The following TENM4 variants were observed in gnomAD, a reference collection of about 807,000 sequenced individuals.
The protein encoded by TENM4 is teneurin-4.
A neutral mutation model predicts 243.3 loss-of-function variants in TENM4; 82 were observed. That is an observed-to-expected ratio of 0.34 (90% CI 0.28 to 0.40). The LOEUF (loss-of-function observed/expected upper bound fraction) is 0.40. Ranked by LOEUF, TENM4 falls within the 10% of genes least tolerant of loss-of-function variation. TENM4 has a pLI of 1.00. For synonymous variants in TENM4, 1,412 were observed against 1,456.3 expected (o/e 0.97, Z 0.69); for missense variants, 3,138 against 3,673.3 (o/e 0.85, Z 3.77).
At chr11:78,895,295 C>T (rs1214506427) in intron 7 of TENM4, among the ~76,000 whole-genome samples, 3 of 151,482 alleles carry the variant, frequency 2.0e-5, no homozygotes, top group Non-Finnish European at 4.4e-5. Flanking sequence ...GGCGATTATG[C>T]CACTGCATTC....
intron 6 of TENM4, among the ~76,000 whole-genome samples, chr11:79,058,549 A>G (rs1860002075): frequency 1.3e-5 from 2 of 152,000 alleles, no homozygotes; most frequent in South Asian, 4.1e-4. Flanking sequence ...ATCTCAAAAA[A>G]AAAAAAACAA....
At chr11:79,122,414 T>C (rs965878656) in intron 4 of TENM4, among the ~76,000 whole-genome samples, 11 of 152,176 alleles carry the variant, frequency 7.2e-5, no homozygotes, top group Admixed American at 5.9e-4. Context: ...AGTGGGGTTC[T>C]ATGGGAACAC....
intron 4 of TENM4, among the ~76,000 whole-genome samples, chr11:79,106,453 C>T (rs6592828): frequency 0.14 from 21,411 of 152,254 alleles, 1,592 homozygotes; most frequent in Middle Eastern, 0.19. Flanking sequence ...TCAGTGTCTC[C>T]AAGTGTAATG....
chr11:78,887,648 C>T (rs1855575918), intron 9 of TENM4, among the ~76,000 whole-genome samples: 1 of 152,206 alleles, frequency 6.6e-6, no homozygotes, highest in Non-Finnish European at 1.5e-5. Context: ...GAATCTTATT[C>T]TAAGTGGTCC....
chr11:79,241,905 C>G (rs1855427969), intron 2 of TENM4, among the ~76,000 whole-genome samples: 1 of 152,132 alleles, frequency 6.6e-6, no homozygotes. Context: ...TGGAAGGTGG[C>G]AGGTGGAATC....
chr11:78,781,832 A>G (rs576644114), intron 16 of TENM4, among the ~76,000 whole-genome samples: 1 of 152,328 alleles, frequency 6.6e-6, no homozygotes, highest in Non-Finnish European at 1.5e-5. Flanking sequence ...TGGATACATC[A>G]GTGCTCTTCT....
intron 1 of TENM4, among the ~76,000 whole-genome samples, chr11:79,387,057 C>A (rs514536): frequency 3.9e-5 from 6 of 151,940 alleles, no homozygotes; most frequent in Admixed American, 1.3e-4. Flanking sequence ...AACGGCAATA[C>A]TATGCAGCAA....
chr11:78,951,684 C>G (rs1857111605), intron 6 of TENM4, among the ~76,000 whole-genome samples: 1 of 152,092 alleles, frequency 6.6e-6, no homozygotes, highest in African/African-American at 2.4e-5. Flanking sequence ...GGGGTCTCTT[C>G]CTCTTTTATA....
intron 18 of TENM4, among the ~76,000 whole-genome samples, chr11:78,765,893 G>A (rs898487495): frequency 5.3e-5 from 8 of 151,852 alleles, no homozygotes; most frequent in Non-Finnish European, 8.8e-5. Context: ...GTAACAGTTT[G>A]GAATACAGAC....
At chr11:79,162,589 C>A (rs1465388991) in intron 3 of TENM4, among the ~76,000 whole-genome samples, 4 of 152,102 alleles carry the variant, frequency 2.6e-5, no homozygotes, top group African/African-American at 9.7e-5. Context: ...AATCCCAAAA[C>A]TTATTTAATT....
intron 9 of TENM4, among the ~76,000 whole-genome samples, chr11:78,877,224 G>C (rs199922984): frequency 4.6e-5 from 7 of 151,774 alleles, no homozygotes; most frequent in Non-Finnish European, 1.5e-5. Context: ...AAATACTGTG[G>C]TTTTTTCAGC....
chr11:79,384,158 T>C (rs576475913), intron 1 of TENM4, among the ~76,000 whole-genome samples: 13 of 152,186 alleles, frequency 8.5e-5, no homozygotes, highest in Non-Finnish European at 1.6e-4. Flanking sequence ...TAGACCCAGC[T>C]TGTGGAGGAA....
At chr11:79,223,542 A>C (rs1864204136) in intron 2 of TENM4, among the ~76,000 whole-genome samples, 1 of 152,020 alleles carries the variant, frequency 6.6e-6, no homozygotes, top group Non-Finnish European at 1.5e-5. Flanking sequence ...CAAAGCCCTT[A>C]TTGCTCCCCT....
At chr11:79,241,471 T>TGAGA (rs1342909008) in intron 2 of TENM4, among the ~76,000 whole-genome samples, 1 of 152,128 alleles carries the variant, frequency 6.6e-6, no homozygotes, top group Non-Finnish European at 1.5e-5. Flanking sequence ...GGGACCCCGA[T>TGAGA]GAGACCATCA....
At chr11:78,700,306 G>C (rs1859073204) in intron 28 of TENM4, among the ~76,000 whole-genome samples, 1 of 152,200 alleles carries the variant, frequency 6.6e-6, no homozygotes, top group African/African-American at 2.4e-5. Context: ...TGCGATCCCT[G>C]TTCTGCCATG....
At chr11:79,405,650 C>T (rs1322120565) in intron 1 of TENM4, among the ~76,000 whole-genome samples, 3 of 151,864 alleles carry the variant, frequency 2.0e-5, no homozygotes, top group African/African-American at 7.3e-5. Flanking sequence ...TTCCATTGTA[C>T]CATAAACGTT....
At chr11:79,346,240 C>T (rs892184841) in intron 1 of TENM4, among the ~76,000 whole-genome samples, 1 of 152,168 alleles carries the variant, frequency 6.6e-6, no homozygotes, top group Non-Finnish European at 1.5e-5. Flanking sequence ...GATTCAGGTG[C>T]TAAGAGTCTG....
chr11:78,817,862 C>T lies in TENM4; in HGVS notation c.1682-3467G>A, dbSNP rs74864506. 5.9e-5 allele frequency among the ~76,000 whole-genome samples: 9 copies of T among 152,198 alleles called. No homozygotes were observed. The East Asian group carries it at 1.6e-3, about 26-fold the overall frequency. On this transcript the variant is annotated intron_variant, in intron 12 of 33. Transcript: ENST00000278550. ...CTTCTCATTATTGCACTTGCTCCTA[C>T]CGTACGTTCCTGCTTGGCAACTTCT...
chr11:78,986,830 T>C (rs1857930858), intron 6 of TENM4, among the ~76,000 whole-genome samples: 1 of 152,034 alleles, frequency 6.6e-6, no homozygotes, highest in Non-Finnish European at 1.5e-5. Flanking sequence ...CACCTTGGCC[T>C]CCCAAAGTGC....
Sources: allele counts gnomAD v4.1 joint callset (sites outside exome capture counted in the v4.1 genomes callset), GRCh38; gene constraint gnomAD v4.1.1; transcripts MANE v1.5; gene names NCBI Gene and HGNC (gene_info 2026-07-23, HGNC 2026-07-21).